KRT12: variants seen among roughly 807,000 people sequenced by gnomAD.
KRT12 encodes keratin 12.
KRT12 carries 43 observed loss-of-function variants against 50.2 expected under a neutral mutation model. The observed-to-expected ratio is 0.86, with a 90% CI of 0.67 to 1.11. The LOEUF (loss-of-function observed/expected upper bound fraction) is 1.11. Among genes scored for constraint, KRT12 ranks in the 50% least tolerant of loss-of-function variants. The probability of loss-of-function intolerance (pLI) is 0.00; values close to 1 mark genes in which losing one functional copy is unlikely to be tolerated. For missense variants in KRT12, 588 were observed against 625.6 expected (o/e 0.94, Z 0.64); for synonymous variants, 257 against 253.6 (o/e 1.01, Z -0.13).
At chr17:40,864,992 A>T (rs373439810) in intron 2 of KRT12, 30 bp from the exon 3 acceptor site, 49 of 1,613,094 alleles carry the variant, frequency 3.0e-5, no homozygotes, top group Non-Finnish European at 3.9e-5. Context: ...CAGTTGAGGG[A>T]ATCAACACAA....
chr17:40,864,114 A>T (rs1040325402), intron 3 of KRT12, among the ~76,000 whole-genome samples: 2 of 152,150 alleles, frequency 1.3e-5, no homozygotes, highest in Non-Finnish European at 1.5e-5. Context: ...AGACATATTC[A>T]TGGGTCCCTG....
In KRT12 at chr17:40,867,150, G is replaced by A. The variant is rs745817473; in HGVS notation, c.37C>T (p.Arg13Cys). 5.6e-6 allele frequency: 9 copies of A among 1,609,832 alleles called. No individual in the cohort carries two copies. The highest frequency in any genetic ancestry group is 6.8e-6 in the Non-Finnish European group (8 of 1,179,992). ...LSNNTMSLSV[R>C]TPGLSRRLSS... ...AGCCGCCGGGACAGTCCGGGGGTGC[G>A]CACTGAGAGTGACATGGTGTTGTTG... Residue 13 changes from arginine (R) to cysteine (C), a missense_variant, in exon 1 of 8, where the codon CGC becomes TGC. Physicochemically the swap from Arg to Cys is radical, Grantham distance 180. Coordinates refer to ENST00000251643, the MANE Select transcript of KRT12 (RefSeq NM_000223.4).
Position 40,863,669 on chromosome 17 carries a change from G to T in KRT12, c.969+34C>A, listed in dbSNP as rs1234429602. On this transcript the variant is annotated intron_variant, in intron 4 of 7. Coordinates refer to ENST00000251643, the MANE Select transcript of KRT12 (RefSeq NM_000223.4). The surrounding 1 kb of genome is among the most constrained non-coding windows in gnomAD (Gnocchi z 4.2). ...GCTGAGCTCGTTCGCAGGCCTTTCT[G>T]TGAATGTATCAAAGCCTTTGTTGTT... is the stretch of plus-strand genomic sequence containing the variant. 1 of 1,614,086 alleles carries T rather than the reference G, an allele frequency of 6.2e-7. No individual in the cohort carries two copies. The highest frequency in any genetic ancestry group is 1.3e-5 in the African/African-American group (1 of 74,934).
rs1273303891 is a variant in KRT12, at chr17:40,867,157, G to C, written c.30C>G (p.Leu10=). The C allele has an allele frequency of 2.5e-6, 4 of 1,608,982 alleles. No homozygotes were observed. The highest frequency in any genetic ancestry group is 2.5e-6 in the Non-Finnish European group (3 of 1,180,006). ...GGGACAGTCCGGGGGTGCGCACTGA[G>C]AGTGACATGGTGTTGTTGGAGAGAT... MDLSNNTMS[L]SVRTPGLSRR... is the part of the protein sequence containing the mutation. Residue 10 remains leucine (L), a synonymous_variant, in exon 1 of 8, where the codon CTC becomes CTG. Coordinates refer to ENST00000251643, the MANE Select transcript of KRT12 (RefSeq NM_000223.4).
intron 7 of KRT12, among the ~76,000 whole-genome samples, chr17:40,862,270 C>T (rs1319311531): frequency 1.3e-5 from 2 of 152,024 alleles, no homozygotes; most frequent in South Asian, 2.1e-4. Context: ...GATGGGGTCT[C>T]GCTATTTGCC....
In KRT12 at chr17:40,866,750, A is replaced by G. The variant is rs200829208; in HGVS notation, c.437T>C (p.Leu146Pro). 210 of 1,614,084 alleles carry G rather than the reference A, an allele frequency of 1.3e-4. No individual in the cohort carries two copies. Among genetic ancestry groups the G allele is most frequent in the Admixed American group, 2.2e-4 (13 of 60,010 alleles). ...LASYLDKVRA[L>P]EEANTELENK... ...TTCTAGCTCAGTATTAGCCTCTTCT[A>G]GAGCTCGCACCTTATCCAGGTAGGA... Residue 146 changes from leucine (L) to proline (P), a missense_variant, in exon 1 of 8, where the codon CTA (leucine) becomes CCA (proline). By Grantham distance (98) the Leu-to-Pro change is moderately conservative (BLOSUM62 -3). Transcript: ENST00000251643.
In KRT12 at chr17:40,863,081, G is replaced by T; in HGVS notation, c.1316+42C>A. On this transcript the variant is annotated intron_variant, in intron 6 of 7. Coordinates refer to ENST00000251643, the MANE Select transcript of KRT12 (RefSeq NM_000223.4). The surrounding 1 kb of genome is among the most constrained non-coding windows in gnomAD (Gnocchi z 4.2). ...CTTCTATTTCTGCTGCCCACTCTTG[G>T]TCAGCCCCTGAAGGTGTTTACAGCC... 1.3e-6 allele frequency: 2 copies of T among 1,555,134 alleles called. No homozygotes were observed. Among genetic ancestry groups the T allele is most frequent in the Non-Finnish European group, 1.8e-6 (2 of 1,126,392 alleles).
chr17:40,866,130 A>G (rs769845867), intron 2 of KRT12, 25 bp downstream of exon 2: 3 of 1,573,372 alleles, frequency 1.9e-6, no homozygotes, highest in Non-Finnish European at 2.6e-6. Context: ...GGACACGCCC[A>G]TGATCTTCAG....
At position 40,861,746 on chromosome 17, in the gene KRT12, G is replaced by A. The variant is rs1906811445; in HGVS notation, c.1400C>T (p.Thr467Ile). Residue 467 changes from threonine to isoleucine, a missense_variant, in exon 8 of 8, where the codon ACC (threonine) becomes ATC (isoleucine). Thr to Ile is a moderately conservative substitution (Grantham distance 89). Transcript: ENST00000251643. ...STDSSKDPTKTRKIKTVVQEM... is the reference protein window; with the variant it reads ...STDSSKDPTKIRKIKTVVQEM... Reference sequence around the variant, plus strand: ...CTGCACAACTGTCTTGATTTTTCGGGTTTTGGTTGGGTCTAAAGATAAAAA... The same window carrying A: ...CTGCACAACTGTCTTGATTTTTCGGATTTTGGTTGGGTCTAAAGATAAAAA... The A allele has an allele frequency of 2.5e-6, 4 of 1,612,610 alleles. No homozygotes were observed. Among genetic ancestry groups the A allele is most frequent in the Non-Finnish European group, 1.7e-6 (2 of 1,178,770 alleles).
rs1417989576 is a variant in KRT12 at position 40,863,012 on chromosome 17, C to T, written c.1316+111G>A. The T allele has an allele frequency of 6.5e-6, 6 of 928,006 alleles. No homozygotes were observed. Among genetic ancestry groups the T allele is most frequent in the Non-Finnish European group, 1.0e-5 (6 of 578,552 alleles). 57.5% of individuals were successfully genotyped at this position (928,006 alleles called of 1,614,324 possible). A position where few individuals can be genotyped will look rare whatever the true frequency, so the allele number is the denominator to read the frequency against. On this transcript the variant is annotated intron_variant, in intron 6 of 7. Transcript: ENST00000251643. The surrounding 1 kb of genome is among the most constrained non-coding windows in gnomAD (Gnocchi z 4.2). ...AAATCCCAGGCATATCTTTACTAGACTTGTGTTTGTTTGTTTGCTTTTCTG... is the reference window on the plus strand; with the variant it reads ...AAATCCCAGGCATATCTTTACTAGATTTGTGTTTGTTTGTTTGCTTTTCTG...
rs1426821618 is a variant in KRT12, at chr17:40,863,934, G to T, written c.808-70C>A. On this transcript the variant is annotated intron_variant, in intron 3 of 7. Coordinates refer to ENST00000251643, the MANE Select transcript of KRT12 (RefSeq NM_000223.4). The surrounding 1 kb of genome is among the most constrained non-coding windows in gnomAD (Gnocchi z 4.2). ...ACTTTCGTGGGCCCTGGATACTTTT[G>T]TCCTCTTGGGCCCCTTCCTACACAC... 6.9e-6 allele frequency: 7 copies of T among 1,015,610 alleles called. No individual in the cohort carries two copies. Among genetic ancestry groups the T allele is most frequent in the Non-Finnish European group, 1.4e-6 (1 of 737,854 alleles). The allele number at this position is 1,015,610 out of a possible 1,614,324, so 62.9% of individuals were successfully genotyped here.
chr17:40,866,167 T>C lies in KRT12; in HGVS notation c.638A>G (p.Asp213Gly), dbSNP rs1907008696. 6.2e-7 allele frequency: 1 copy of C among 1,613,882 alleles called. No individual in the cohort carries two copies. Among genetic ancestry groups the C allele is most frequent in the East Asian group, 2.2e-5 (1 of 44,884 alleles). ...TTATTCGACTCACTTCATCCTGAAGTCCTCAGCAGCTAGTCTCGCATTGTC... is the reference window on the plus strand; with the variant it reads ...TTATTCGACTCACTTCATCCTGAAGCCCTCAGCAGCTAGTCTCGCATTGTC... The part of the protein sequence containing the change: ...QIDNARLAAE[D>G]FRMKYENELA... Residue 213 changes from aspartate to glycine, a missense_variant, in exon 2 of 8, where the codon GAC becomes GGC. Physicochemically the swap from Asp to Gly is moderately conservative, Grantham distance 94 (BLOSUM62 -1). Coordinates refer to ENST00000251643, the MANE Select transcript of KRT12 (RefSeq NM_000223.4).
In KRT12 at chr17:40,866,224, C is replaced by G; in HGVS notation, c.581G>C (p.Ser194Thr). 1 of 1,614,014 alleles carries G rather than the reference C, an allele frequency of 6.2e-7. No homozygotes were observed. The highest frequency in any genetic ancestry group is 1.3e-5 in the African/African-American group (1 of 75,020). Residue 194 changes from serine to threonine, a missense_variant, in exon 2 of 8, where the codon AGC (serine) becomes ACC (threonine). By Grantham distance (58) the Ser-to-Thr change is moderately conservative (BLOSUM62 1). Transcript: ENST00000251643. ...CAAGAGGAGCTGGGCATTTCCAATG[C>G]TGGCTGAAATGATCTGGCAAAAGAG... ...EDLRNKIISA[S>T]IGNAQLLLQI...
chr17:40,862,635 A>G lies in KRT12; in HGVS notation c.1317T>C (p.Gly439=). 6.2e-7 allele frequency: 1 copy of G among 1,610,492 alleles called. No homozygotes were observed. The highest frequency in any genetic ancestry group is 2.2e-5 in the East Asian group (1 of 44,840). The part of the protein sequence containing the change: ...YRRLLDGEAQ[G]DGLEESLFVT... The stretch of plus-strand genomic sequence containing the variant: ...CAAATAAACTTTCCTCCAAACCATC[A>G]CTGTAAGAAAACAAAGGAGATGACC... Residue 439 remains glycine (G), a splice_region_variant and synonymous_variant, in exon 7 of 8, where the codon GGT becomes GGC. Transcript: ENST00000251643.
chr17:40,862,907 C>G (rs1186397631), intron 6 of KRT12, among the ~76,000 whole-genome samples: 1 of 152,120 alleles, frequency 6.6e-6, no homozygotes, highest in African/African-American at 2.4e-5. Context: ...GACCGTGGTG[C>G]CTTTGTTCTT....
chr17:40,863,891 G>C lies in KRT12; in HGVS notation c.808-27C>G. On this transcript the variant is annotated intron_variant, in intron 3 of 7. Coordinates refer to ENST00000251643, the MANE Select transcript of KRT12 (RefSeq NM_000223.4). This position sits in a 1 kb window ranked among gnomAD's most constrained non-coding sequence, Gnocchi z 4.2. ...TGGGGACAGCATGTGAGAGAGAGGG[G>C]CACAGGGGTCCATTGTGACTTTCGT... 4 of 1,551,072 alleles carry C rather than the reference G, an allele frequency of 2.6e-6. No homozygotes were observed. Among genetic ancestry groups the C allele is most frequent in the Non-Finnish European group, 3.5e-6 (4 of 1,154,800 alleles).
chr17:40,866,198 G>T lies in KRT12; in HGVS notation c.607C>A (p.Gln203Lys). The change falls in exon 2 of 8, where the codon CAG becomes AAG. Residue 203 changes from glutamine to lysine, a missense_variant. Transcript: ENST00000251643. The part of the protein sequence containing the change: ...ASIGNAQLLL[Q>K]IDNARLAAED... ...GCAGCTAGTCTCGCATTGTCAATCT[G>T]CAAGAGGAGCTGGGCATTTCCAATG... The T allele has an allele frequency of 6.2e-7, 1 of 1,614,156 alleles. No homozygotes were observed. The highest frequency in any genetic ancestry group is 1.1e-5 in the South Asian group (1 of 91,086).
intron 2 of KRT12, 83 bp downstream of exon 2, chr17:40,866,072 A>G: frequency 9.4e-7 from 1 of 1,060,036 alleles, no homozygotes; most frequent in East Asian, 2.4e-5. Context: ...TGAACTTCAG[A>G]AGATTTTATA....
At position 40,863,957 on chromosome 17, in the gene KRT12, C is replaced by CACACACA; in HGVS notation, c.808-100_808-94dup. The CACACACA allele has an allele frequency of 3.5e-6, 2 of 576,590 alleles. No homozygotes were observed. The highest frequency in any genetic ancestry group is 6.0e-6 in the Non-Finnish European group (2 of 332,178). 35.7% of individuals were successfully genotyped at this position (576,590 alleles called of 1,614,324 possible). A position where few individuals can be genotyped will look rare whatever the true frequency, so the allele number is the denominator to read the frequency against. On this transcript the variant is annotated intron_variant, in intron 3 of 7. Coordinates refer to ENST00000251643, the MANE Select transcript of KRT12 (RefSeq NM_000223.4). This position sits in a 1 kb window ranked among gnomAD's most constrained non-coding sequence, Gnocchi z 4.2. ...TTGTCCTCTTGGGCCCCTTCCTACA[C>CACACACA]ACACACACACACACACACACACACA...
Sources: gnomAD v4.1 joint callset for allele counts (sites outside exome capture counted in the v4.1 genomes callset) on GRCh38, gnomAD v4.1.1 for gene constraint, Gnocchi (gnomAD v3.1) non-coding constraint, MANE v1.5 for transcripts, NCBI Gene and HGNC (gene_info 2026-07-23, HGNC 2026-07-21) for gene names.